Variants in TNS1 observed in about 807,000 individuals in gnomAD.
The protein encoded by TNS1 is tensin 1, also known as tensin-1.
TNS1 carries 62 observed loss-of-function variants against 168.6 expected under a neutral mutation model. That is an observed-to-expected ratio of 0.37 (90% CI 0.30 to 0.45). The LOEUF (loss-of-function observed/expected upper bound fraction) is 0.45. TNS1 is among the 20% of genes least tolerant of loss of function. The probability of loss-of-function intolerance (pLI) is 1.00; values close to 1 mark genes in which losing one functional copy is unlikely to be tolerated. For missense variants in TNS1, 2,240 were observed against 2,339.4 expected (o/e 0.96, Z 0.88); for synonymous variants, 934 against 933.2 (o/e 1.00, Z -0.02).
chr2:217,987,544 A>G (rs1018904612), intron 2 of TNS1, among the ~76,000 whole-genome samples: 2 of 152,170 alleles, frequency 1.3e-5, no homozygotes, highest in African/African-American at 4.8e-5. Flanking sequence ...GGTCCAGGCA[A>G]CCAAGGGGAG....
upstream of TNS1, among the ~76,000 whole-genome samples, chr2:218,005,467 G>A (rs945556400): frequency 5.3e-5 from 8 of 152,146 alleles, no homozygotes; most frequent in African/African-American, 9.7e-5. Flanking sequence ...TATATTAATC[G>A]CTTATCATCA....
Position 218,032,656 on chromosome 2 carries a change from C to G in TNS1, c.156+1164G>C, listed in dbSNP as rs1258732053. Among the ~76,000 whole-genome samples, 1 of 152,174 alleles carries G rather than the reference C, an allele frequency of 6.6e-6. No homozygotes were observed. The highest frequency in any genetic ancestry group is 6.5e-5 in the Admixed American group (1 of 15,282). ...ATCTGCCCCAAGAACGAGGGTATCA[C>G]CCCTCCTCTAGTGAGGCCCCAGGTG... On this transcript the variant is annotated intron_variant, in intron 1 of 1. Transcript: ENST00000649572. The surrounding 1 kb of genome is among the most constrained non-coding windows in gnomAD (Gnocchi z 4.0).
Position 218,033,919 on chromosome 2 carries a change from G to A in TNS1, c.57C>T (p.Cys19=), listed in dbSNP as rs1161035952. ...AGGGACTCCCCGGGGGCTGGGGACC[G>A]CAGAGTGGTCCGGGCCGCAGCTCTT... Residue 19 remains cysteine (C), a synonymous_variant, in exon 1 of 2, where the codon TGC becomes TGT. Transcript: ENST00000649572. This position sits in a 1 kb window ranked among gnomAD's most constrained non-coding sequence, Gnocchi z 4.3. Among the ~76,000 whole-genome samples, 9 of 152,174 alleles carry A rather than the reference G, an allele frequency of 5.9e-5. No homozygotes were observed. The highest frequency in any genetic ancestry group is 2.2e-4 in the African/African-American group (9 of 41,442).
At chr2:218,004,257 G>C (rs907789494), upstream of TNS1, among the ~76,000 whole-genome samples, 3 of 152,200 alleles carry the variant, frequency 2.0e-5, no homozygotes, top group African/African-American at 4.8e-5. Context: ...TGGAGACCTC[G>C]TTCCTAGACT....
At chr2:217,950,088 G>T (rs1224952206) in intron 3 of TNS1, among the ~76,000 whole-genome samples, 1 of 152,192 alleles carries the variant, frequency 6.6e-6, no homozygotes, top group Non-Finnish European at 1.5e-5. Flanking sequence ...AGAAATGTCA[G>T]TTTCTTTTCT....
At position 217,929,213 on chromosome 2, in the gene TNS1, G is replaced by A. The variant is rs571531088; in HGVS notation, c.187-8977C>T. Reference sequence around the variant, plus strand: ...GCACCCAGATGGGCCTACCCCAGGTGAAGGCAGGGAGTCTTCTCTGGAGAT... The same window carrying A: ...GCACCCAGATGGGCCTACCCCAGGTAAAGGCAGGGAGTCTTCTCTGGAGAT... On this transcript the variant is annotated intron_variant, in intron 3 of 32. Coordinates refer to ENST00000682258, the MANE Select transcript of TNS1 (RefSeq NM_001387777.1). Among the ~76,000 whole-genome samples, 29 of 152,354 alleles carry A rather than the reference G, an allele frequency of 1.9e-4. No homozygotes were observed. In the East Asian group the frequency reaches 5.0e-3, roughly 26 times the overall value.
At chr2:217,988,086 C>T (rs992965773) in intron 2 of TNS1, among the ~76,000 whole-genome samples, 18 of 152,240 alleles carry the variant, frequency 1.2e-4, no homozygotes, top group Non-Finnish European at 2.4e-4. Flanking sequence ...CCTATCTGGG[C>T]CTGGCCCCTG....
At chr2:217,878,754 C>T (rs147566226) in intron 18 of TNS1, among the ~76,000 whole-genome samples, 1 of 152,318 alleles carries the variant, frequency 6.6e-6, no homozygotes, top group East Asian at 1.9e-4. Context: ...CAAACCGAGG[C>T]CCCAAGGACA....
intron 2 of TNS1, among the ~76,000 whole-genome samples, chr2:217,987,219 C>A (rs563736678): frequency 6.6e-6 from 1 of 152,288 alleles, no homozygotes; most frequent in African/African-American, 2.4e-5. Context: ...GAGCCTTCAT[C>A]CCTAGCATGA....
intron 19 of TNS1, among the ~76,000 whole-genome samples, chr2:217,839,378 T>C (rs2571449): frequency 0.62 from 94,031 of 151,912 alleles, 30,364 homozygotes; most frequent in African/African-American, 0.8. Flanking sequence ...TGAGCAGTTA[T>C]CCCAGCCCCA....
intron 1 of TNS1, among the ~76,000 whole-genome samples, chr2:217,992,140 T>A (rs1335906486): frequency 6.6e-6 from 1 of 151,608 alleles, no homozygotes; most frequent in Non-Finnish European, 1.5e-5. Flanking sequence ...GGGGGCCTAT[T>A]CAGAGGACTC....
At chr2:217,934,190 G>C (rs1159573047) in intron 3 of TNS1, among the ~76,000 whole-genome samples, 7 of 152,216 alleles carry the variant, frequency 4.6e-5, no homozygotes, top group Non-Finnish European at 4.4e-5. Context: ...CTTGAGGCAA[G>C]CCAAGTCACC....
intron 6 of TNS1, among the ~76,000 whole-genome samples, chr2:217,905,852 G>A (rs987270546): frequency 3.3e-5 from 5 of 152,132 alleles, no homozygotes; most frequent in Non-Finnish European, 5.9e-5. Context: ...ATGGGGACCC[G>A]TGGACCCATC....
Position 218,032,085 on chromosome 2 carries a change from T to C in TNS1, c.156+1735A>G, listed in dbSNP as rs1958903761. ...GTGCCAAGCCCCAACCTCTTGCTCC[T>C]GAGGCTGACATGTGGGACCATAGGA... On this transcript the variant is annotated intron_variant, in intron 1 of 1. Coordinates refer to the TNS1 transcript ENST00000649572. The surrounding 1 kb of genome is among the most constrained non-coding windows in gnomAD (Gnocchi z 4.0). 6.6e-6 allele frequency among the ~76,000 whole-genome samples: 1 copy of C among 152,196 alleles called. No homozygotes were observed. Among genetic ancestry groups the C allele is most frequent in the Admixed American group, 6.5e-5 (1 of 15,278 alleles).
chr2:217,908,445 G>A (rs1219151537), intron 4 of TNS1, among the ~76,000 whole-genome samples: 4 of 152,274 alleles, frequency 2.6e-5, no homozygotes, highest in African/African-American at 9.6e-5. Flanking sequence ...AAACCTTGAC[G>A]AGGACAAGTG....
At chr2:217,862,787 T>C (rs1319543403) in intron 18 of TNS1, among the ~76,000 whole-genome samples, 1 of 152,154 alleles carries the variant, frequency 6.6e-6, no homozygotes, top group Non-Finnish European at 1.5e-5. Context: ...TGCCATGAGA[T>C]GGGTGCTCAG....
chr2:218,015,920 G>C (rs1958755552), intron 1 of TNS1, among the ~76,000 whole-genome samples: 1 of 152,228 alleles, frequency 6.6e-6, no homozygotes, highest in Non-Finnish European at 1.5e-5. Context: ...AGACCTAGGA[G>C]CTGGGCGCTG....
chr2:217,813,571 G>C lies in TNS1; in HGVS notation c.4861+114C>G. On this transcript the variant is annotated intron_variant, in intron 26 of 32. Coordinates refer to ENST00000682258, the MANE Select transcript of TNS1 (RefSeq NM_001387777.1). The surrounding 1 kb of genome is among the most constrained non-coding windows in gnomAD (Gnocchi z 4.0). ...CAAGCCCAAGACACCCTCTTCCGAA[G>C]AGCCTGATGGGAGTTAAGGTCCTGC... 5.5e-6 allele frequency: 8 copies of C among 1,448,712 alleles called. No individual in the cohort carries two copies. Among genetic ancestry groups the C allele is most frequent in the Non-Finnish European group, 6.5e-6 (7 of 1,075,154 alleles). 89.7% of individuals were successfully genotyped at this position (1,448,712 alleles called of 1,614,324 possible).
chr2:217,910,499 A>C (rs146742041), intron 4 of TNS1, among the ~76,000 whole-genome samples: 6 of 152,104 alleles, frequency 3.9e-5, no homozygotes, highest in Non-Finnish European at 8.8e-5. Context: ...ACTGGGAAGG[A>C]AAAAGGCATG....
Sources: gnomAD v4.1 joint callset for allele counts (sites outside exome capture counted in the v4.1 genomes callset) on GRCh38, gnomAD v4.1.1 for gene constraint, Gnocchi (gnomAD v3.1) non-coding constraint, MANE v1.5 for transcripts, NCBI Gene and HGNC (gene_info 2026-07-23, HGNC 2026-07-21) for gene names.